PDE4B: variants seen among roughly 807,000 people sequenced by gnomAD.
PDE4B encodes 3',5'-cyclic-AMP phosphodiesterase 4B.
In PDE4B, 20 loss-of-function variants were observed where a neutral mutation model predicts 82.2. That is an observed-to-expected ratio of 0.24 (90% CI 0.17 to 0.35). The LOEUF (loss-of-function observed/expected upper bound fraction) is 0.35, where lower values mean the gene tolerates loss of function less well. Among genes scored for constraint, PDE4B ranks in the 10% least tolerant of loss-of-function variants. The pLI, the probability that PDE4B is intolerant of heterozygous loss-of-function variation, is 1.00. For missense variants in PDE4B, 655 were observed against 907.2 expected, an observed-to-expected ratio of 0.72 and a Z score of 3.57; for synonymous variants, 320 against 318.9, an observed-to-expected ratio of 1.00 and a Z score of -0.04.
rs144277658 is a variant in PDE4B at position 65,999,911 on chromosome 1, G to A, written c.281+81076G>A. Among the ~76,000 whole-genome samples, 67 of 152,280 alleles carry A rather than the reference G, an allele frequency of 4.4e-4. No individual in the cohort carries two copies. In the East Asian group the frequency reaches 5.8e-3, roughly 13 times the overall value. On this transcript the variant is annotated intron_variant, in intron 3 of 16. Transcript: ENST00000341517. ...AGCTTTGTTGATACTTACTCTATAA[G>A]CATTCTTCTCCAATCATCTCTCAAT...
At chr1:65,798,905 A>AT (rs1434257297) in intron 1 of PDE4B, among the ~76,000 whole-genome samples, 6 of 151,132 alleles carry the variant, frequency 4.0e-5, no homozygotes, top group South Asian at 4.2e-4. Context: ...TCTATGGAAC[A>AT]TTTTTTTTTC....
intron 3 of PDE4B, among the ~76,000 whole-genome samples, chr1:66,078,071 A>T (rs2503226): frequency 0.99 from 151,175 of 152,318 alleles, 75,027 homozygotes; most frequent in Middle Eastern, 1. Context: ...TTGTATTATA[A>T]CCATTTTACG....
At chr1:66,170,781 T>A (rs531675796) in intron 3 of PDE4B, among the ~76,000 whole-genome samples, 5 of 152,250 alleles carry the variant, frequency 3.3e-5, no homozygotes, top group African/African-American at 1.2e-4. Context: ...GAATTATGGG[T>A]GGTGGAATGC....
At chr1:66,068,434 A>G (rs1416475053) in intron 3 of PDE4B, among the ~76,000 whole-genome samples, 1 of 151,976 alleles carries the variant, frequency 6.6e-6, no homozygotes, top group Admixed American at 6.6e-5. Context: ...ATGACATCAC[A>G]TTTTTAAAAA....
chr1:65,873,430 A>G (rs138281247), intron 1 of PDE4B, among the ~76,000 whole-genome samples: 1 of 152,316 alleles, frequency 6.6e-6, no homozygotes, highest in Non-Finnish European at 1.5e-5. Context: ...CAGAATGATC[A>G]CCAGAAAATA....
chr1:66,247,512 G>C lies in PDE4B; in HGVS notation c.334G>C (p.Ala112Pro). 2 of 1,609,280 alleles carry C rather than the reference G, an allele frequency of 1.2e-6. 1 individual carries two copies. The highest frequency in any genetic ancestry group is 2.2e-5 in the South Asian group (2 of 90,450). The change falls in exon 4 of 17, where the codon GCC (alanine) becomes CCC (proline). Residue 112 changes from alanine to proline, a missense_variant. This residue lies in a region of PDE4B where 253 missense variants were observed against 275.6 expected (regional missense o/e 0.92). Coordinates refer to ENST00000341517, the MANE Select transcript of PDE4B (RefSeq NM_002600.4). ...SPGRSPLDPQ[A>P]SSSAGLVLHA... Reference sequence around the variant, plus strand: ...AGGTCGGAGTCCACTGGATCCCCAGGCCAGCTCTTCCGCTGGGCTGGTACT... The same window carrying C: ...AGGTCGGAGTCCACTGGATCCCCAGCCCAGCTCTTCCGCTGGGCTGGTACT...
At chr1:66,025,476 C>A (rs1653384529) in intron 3 of PDE4B, among the ~76,000 whole-genome samples, 1 of 151,882 alleles carries the variant, frequency 6.6e-6, no homozygotes, top group South Asian at 2.1e-4. Flanking sequence ...AAATATTTTC[C>A]AGTAACACAA....
chr1:66,190,623 A>G (rs2101472772), intron 3 of PDE4B, among the ~76,000 whole-genome samples: 1 of 152,314 alleles, frequency 6.6e-6, no homozygotes, highest in South Asian at 2.1e-4. Flanking sequence ...CTGTGGGCAT[A>G]GGAACCTCTG....
At chr1:66,370,263 C>T (rs181561702) in intron 16 of PDE4B, among the ~76,000 whole-genome samples, 3 of 151,082 alleles carry the variant, frequency 2.0e-5, no homozygotes, top group Non-Finnish European at 2.9e-5. Flanking sequence ...ATTCGAATAG[C>T]CCAAAGGCTT....
At chr1:66,112,431 C>A (rs932703756) in intron 3 of PDE4B, among the ~76,000 whole-genome samples, 2 of 152,024 alleles carry the variant, frequency 1.3e-5, no homozygotes, top group African/African-American at 2.4e-5. Flanking sequence ...TGGTAAATGA[C>A]CATTGAATTA....
rs1338143755 is a variant in PDE4B at position 66,202,685 on chromosome 1, T to C, written c.282-44775T>C. 2.0e-5 allele frequency among the ~76,000 whole-genome samples: 3 copies of C among 152,090 alleles called. No homozygotes were observed. In the East Asian group the frequency reaches 5.8e-4, roughly 29 times the overall value. ...GGATTGCAACCCCTGCCTTTTTTTG[T>C]TTTCCATTTGTTTGGTAGATCTTCC... is the stretch of plus-strand genomic sequence containing the variant. On this transcript the variant is annotated intron_variant, in intron 3 of 16. Coordinates refer to ENST00000341517, the MANE Select transcript of PDE4B (RefSeq NM_002600.4).
chr1:65,908,069 G>A (rs1053111094), intron 1 of PDE4B, among the ~76,000 whole-genome samples: 1 of 152,110 alleles, frequency 6.6e-6, no homozygotes, highest in African/African-American at 2.4e-5. Flanking sequence ...GGAGAAGTGC[G>A]TTATTGGCCT....
chr1:66,150,020 A>G (rs1309614609), intron 3 of PDE4B, among the ~76,000 whole-genome samples: 1 of 152,154 alleles, frequency 6.6e-6, no homozygotes, highest in African/African-American at 2.4e-5. Flanking sequence ...TTCTTTCCCC[A>G]TTAAATTGTT....
chr1:65,817,295 T>C (rs961278117), intron 1 of PDE4B, among the ~76,000 whole-genome samples: 4 of 152,194 alleles, frequency 2.6e-5, no homozygotes, highest in Non-Finnish European at 5.9e-5. Flanking sequence ...CAGAACCTTG[T>C]TGACAGGGAA....
chr1:66,118,044 C>T (rs904592621), intron 3 of PDE4B, among the ~76,000 whole-genome samples: 2 of 152,148 alleles, frequency 1.3e-5, no homozygotes, highest in Non-Finnish European at 2.9e-5. Flanking sequence ...TTTTGATTTG[C>T]ATTTCTCTGA....
At chr1:65,799,888 T>C (rs1271584259) in intron 1 of PDE4B, among the ~76,000 whole-genome samples, 1 of 152,188 alleles carries the variant, frequency 6.6e-6, no homozygotes, top group Non-Finnish European at 1.5e-5. Context: ...TATATTAAGA[T>C]TCCTTAGAAA....
chr1:65,803,679 G>A (rs956543365), intron 1 of PDE4B, among the ~76,000 whole-genome samples: 2 of 152,098 alleles, frequency 1.3e-5, no homozygotes, highest in Admixed American at 6.6e-5. Flanking sequence ...GGATTAAAAT[G>A]TACGATTCCA....
chr1:66,311,505 A>G (rs954374918), intron 7 of PDE4B, among the ~76,000 whole-genome samples: 2 of 152,220 alleles, frequency 1.3e-5, no homozygotes, highest in Non-Finnish European at 2.9e-5. Context: ...CTTTGCTTTC[A>G]ATATGTTTAC....
chr1:66,046,132 T>G (rs1221315697), intron 3 of PDE4B: 1 of 151,790 alleles, frequency 6.6e-6, no homozygotes, highest in Non-Finnish European at 1.5e-5. Context: ...AGGATGAAGC[T>G]TTAGATTGGG....
Sources: gnomAD v4.1 joint callset for allele counts (sites outside exome capture counted in the v4.1 genomes callset) on GRCh38, gnomAD v4.1.1 for gene constraint, gnomAD v4.1.1 regional missense constraint, MANE v1.5 for transcripts, NCBI Gene and HGNC (gene_info 2026-07-23, HGNC 2026-07-21) for gene names.